The following KLF8 variants were observed in gnomAD, a reference collection of about 807,000 sequenced individuals.
The protein encoded by KLF8 is KLF transcription factor 8, also known as Krueppel-like factor 8.
A neutral mutation model predicts 18.2 loss-of-function variants in KLF8; 10 were observed. That is an observed-to-expected ratio of 0.55 (90% CI 0.34 to 0.93). The LOEUF is 0.93. KLF8 is among the 40% of genes least tolerant of loss of function. KLF8 has a pLI of 0.02. For synonymous variants in KLF8, 109 were observed against 97.3 expected (o/e 1.12, Z -0.71); for missense variants, 264 against 277.9 (o/e 0.95, Z 0.36).
the KLF8 span, among the ~76,000 whole-genome samples, chrX:56,042,158 T>C: frequency 8.9e-6 from 1 of 112,335 alleles, no homozygotes; most frequent in Non-Finnish European, 1.9e-5. Flanking sequence ...CAGGAGCAGG[T>C]TGTTCAATTT....
chrX:56,155,541 A>C, the KLF8 span, among the ~76,000 whole-genome samples: 1 of 111,240 alleles, frequency 9.0e-6, no homozygotes, highest in African/African-American at 3.3e-5. Flanking sequence ...CCAACATGGC[A>C]CATGTATACA....
chrX:56,141,489 A>C, the KLF8 span, among the ~76,000 whole-genome samples: 1 of 111,341 alleles, frequency 9.0e-6, no homozygotes, highest in East Asian at 2.8e-4. Flanking sequence ...TAAGTAATCT[A>C]TTTTTTCTAA....
chrX:55,912,285 C>A, the KLF8 span, among the ~76,000 whole-genome samples: 1 of 110,913 alleles, frequency 9.0e-6, no homozygotes, highest in Admixed American at 9.6e-5. Context: ...TAGAGGTTCT[C>A]ATTTTTTTTC....
the KLF8 span, among the ~76,000 whole-genome samples, chrX:56,183,445 C>T: frequency 3.6e-5 from 4 of 111,979 alleles, no homozygotes; most frequent in Non-Finnish European, 7.5e-5. Flanking sequence ...TGCCCTGCTT[C>T]AGCTCACACT....
At chrX:55,956,521 C>T in the KLF8 span, among the ~76,000 whole-genome samples, 321 of 111,537 alleles carry the variant, frequency 2.9e-3, no homozygotes, top group Non-Finnish European at 5.3e-3. Context: ...ACAGTCCTAC[C>T]AGCAGTGCAC....
chrX:56,133,021 TA>T, the KLF8 span, among the ~76,000 whole-genome samples: 1 of 110,696 alleles, frequency 9.0e-6, no homozygotes, highest in East Asian at 2.8e-4. Context: ...AAATGGTAAT[TA>T]AAAAAATGGC....
chrX:55,978,571 C>G, the KLF8 span, among the ~76,000 whole-genome samples: 1 of 111,501 alleles, frequency 9.0e-6, no homozygotes, highest in Non-Finnish European at 1.9e-5. Context: ...GTAGCCACAA[C>G]CAGTTTGAAA....
the KLF8 span, among the ~76,000 whole-genome samples, chrX:56,174,054 GC>G: frequency 8.9e-6 from 1 of 111,797 alleles, no homozygotes; most frequent in African/African-American, 3.2e-5. Flanking sequence ...GGGACAATTT[GC>G]CTTCCTCTTT....
the KLF8 span, among the ~76,000 whole-genome samples, chrX:55,948,710 C>T: frequency 3.9e-4 from 43 of 110,405 alleles, no homozygotes; most frequent in Non-Finnish European, 7.6e-4. Context: ...ATACCATCAC[C>T]ACTCTTGCAA....
the KLF8 span, among the ~76,000 whole-genome samples, chrX:56,074,216 G>T: frequency 2.7e-5 from 3 of 112,096 alleles, no homozygotes; most frequent in Non-Finnish European, 5.6e-5. Flanking sequence ...TGATTTGAAA[G>T]TACCCTCTTT....
chrX:56,206,515 A>G, the KLF8 span, among the ~76,000 whole-genome samples: 2 of 112,168 alleles, frequency 1.8e-5, no homozygotes, highest in Non-Finnish European at 3.8e-5. Context: ...CCAAAATCCA[A>G]TGGGGCAGTC....
the KLF8 span, among the ~76,000 whole-genome samples, chrX:56,114,669 G>T: frequency 8.9e-6 from 1 of 112,585 alleles, no homozygotes; most frequent in Admixed American, 9.4e-5. Context: ...TAACTTCCTT[G>T]TTCTTTAGTT....
chrX:55,946,050 G>A, the KLF8 span, among the ~76,000 whole-genome samples: 1 of 111,565 alleles, frequency 9.0e-6, no homozygotes, highest in Non-Finnish European at 1.9e-5. Flanking sequence ...CATGAAAATG[G>A]CCATACTGCC....
the KLF8 span, chrX:55,961,838 C>T: frequency 1.1e-5 from 3 of 263,913 alleles, no homozygotes; most frequent in Non-Finnish European, 2.1e-5. Flanking sequence ...GCCCATAATC[C>T]CATGGGAGTG....
chrX:56,211,163 G>T, the KLF8 span, among the ~76,000 whole-genome samples: 1 of 111,526 alleles, frequency 9.0e-6, no homozygotes, highest in Non-Finnish European at 1.9e-5. Flanking sequence ...CTTATTTGTC[G>T]CCGTCCTATT....
the KLF8 span, among the ~76,000 whole-genome samples, chrX:55,948,102 A>T: frequency 8.9e-6 from 1 of 112,174 alleles, no homozygotes; most frequent in African/African-American, 3.2e-5. Context: ...TGTGCTTGCA[A>T]ACAGGTTTAT....
At chrX:56,110,475 C>T in the KLF8 span, among the ~76,000 whole-genome samples, 7 of 111,722 alleles carry the variant, frequency 6.3e-5, no homozygotes, top group Non-Finnish European at 1.9e-5. Flanking sequence ...GACTACTAAT[C>T]GGAAGGACTT....
chrX:56,198,436 C>T, the KLF8 span, among the ~76,000 whole-genome samples: 1 of 111,700 alleles, frequency 9.0e-6, no homozygotes, highest in Non-Finnish European at 1.9e-5. Context: ...CTTTCTTATA[C>T]ACCATTAACA....
chrX:56,177,558 C>A, the KLF8 span, among the ~76,000 whole-genome samples: 1 of 111,447 alleles, frequency 9.0e-6, no homozygotes, highest in Admixed American at 9.6e-5. Flanking sequence ...CAGGGACCTA[C>A]TTGATGAGGC....
Sources: gnomAD v4.1 joint callset for allele counts (sites outside exome capture counted in the v4.1 genomes callset) on GRCh38, gnomAD v4.1.1 for gene constraint, MANE v1.5 for transcripts, NCBI Gene and HGNC (gene_info 2026-07-23, HGNC 2026-07-21) for gene names.